SOX5: variants seen among roughly 807,000 people sequenced by gnomAD.
SOX5 encodes the protein transcription factor SOX-5.
Under a neutral mutation model 92.0 loss-of-function variants are expected in SOX5, and 9 were observed. The ratio of observed to expected loss-of-function variants is 0.10; its 90% CI spans 0.06 to 0.17. The LOEUF is 0.17. Among genes scored for constraint, SOX5 ranks in the 10% least tolerant of loss-of-function variants. The pLI is 1.00. For missense variants in SOX5, 642 were observed against 944.5 expected (o/e 0.68, Z 4.20); for synonymous variants, 344 against 336.3 (o/e 1.02, Z -0.25).
chr12:23,563,262 T>A lies in SOX5; in HGVS notation c.1484A>T (p.Glu495Val). The A allele has an allele frequency of 6.2e-7, 1 of 1,609,790 alleles. No individual in the cohort carries two copies. Among genetic ancestry groups the A allele is most frequent in the Non-Finnish European group, 8.5e-7 (1 of 1,178,192 alleles). Residue 495 changes from glutamate (E) to valine (V), a missense_variant, in exon 11 of 15, where the codon GAA (glutamate) becomes GTA (valine). Around this residue, in one of 8 missense-constraint regions of SOX5, gnomAD observed 324 missense variants for 461.6 expected, o/e 0.70. Coordinates refer to ENST00000451604, the MANE Select transcript of SOX5 (RefSeq NM_006940.6). Reference sequence around the variant, plus strand: ...TAAGTTATTTTATGAACTGACCTTTTCTGTTCGGCAGTTATTGAGACCCAG... The same window carrying A: ...TAAGTTATTTTATGAACTGACCTTTACTGTTCGGCAGTTATTGAGACCCAG... ...NSLGLNNCRTEKEKTTLESLT... is the reference protein window; with the variant it reads ...NSLGLNNCRTVKEKTTLESLT...
chr12:24,419,336 A>C (rs1187177333), intron 1 of SOX5, among the ~76,000 whole-genome samples: 1 of 152,124 alleles, frequency 6.6e-6, no homozygotes, highest in African/African-American at 2.4e-5. Flanking sequence ...ACAAGGCTTC[A>C]CCATGTTTTG....
Position 23,575,820 on chromosome 12 carries a change from G to C in SOX5, c.1183C>G (p.Leu395Val). 6.3e-7 allele frequency: 1 copy of C among 1,580,224 alleles called. No homozygotes were observed. Among genetic ancestry groups the C allele is most frequent in the Non-Finnish European group, 8.6e-7 (1 of 1,165,016 alleles). Residue 395 changes from leucine (L) to valine (V), a missense_variant, in exon 10 of 15, where the codon CTG becomes GTG. By Grantham distance (32) the Leu-to-Val change is conservative. Transcript: ENST00000451604. Reference protein sequence around the residue: ...PKSKDEVAQPLNLSAKPKTSD... With the variant: ...PKSKDEVAQPVNLSAKPKTSD... ...GTCTTGGGTTTAGCTGATAGGTTCA[G>C]TGGCTGTGCCACTTCATCCTGCAAT...
In SOX5 at chr12:24,003,769, G is replaced by GTTTTT. The variant is rs59230154; in HGVS notation, c.-1-107750_-1-107746dup. Among the ~76,000 whole-genome samples the GTTTTT allele has an allele frequency of 3.4e-4, 50 of 148,028 alleles. No individual in the cohort carries two copies. In the Middle Eastern group the frequency reaches 0.014, roughly 40 times the overall value. Reference sequence around the variant, plus strand: ...ATACTCCCTATAAAAATGCCAGCAGGTTTTTTTTTTGGAAAAAACTTACAA... The same window carrying GTTTTT: ...ATACTCCCTATAAAAATGCCAGCAGGTTTTTTTTTTTTTTTGGAAAAAACTTACAA... On this transcript the variant is annotated intron_variant, in intron 4 of 4. Transcript: ENST00000446891.
chr12:23,950,860 GAC>G (rs1388915859), upstream of SOX5: 10 of 1,535,066 alleles, frequency 6.5e-6, no homozygotes, highest in East Asian at 2.4e-4. Context: ...CAGAGAGAGA[GAC>G]ACTTACACAG....
intron 1 of SOX5, among the ~76,000 whole-genome samples, chr12:24,429,182 T>C (rs879856776): frequency 1.2e-4 from 18 of 152,014 alleles, no homozygotes; most frequent in Non-Finnish European, 7.4e-5. Context: ...CCGGGCATGG[T>C]GGCAGGCGCC....
chr12:24,008,599 T>G (rs567822547), intron 4 of SOX5, among the ~76,000 whole-genome samples: 21 of 152,196 alleles, frequency 1.4e-4, no homozygotes, highest in Non-Finnish European at 2.4e-4. Flanking sequence ...TATTATGACC[T>G]CTATTTTAAT....
intron 4 of SOX5, among the ~76,000 whole-genome samples, chr12:24,091,101 C>A (rs1220552433): frequency 1.3e-5 from 2 of 151,978 alleles, no homozygotes; most frequent in Non-Finnish European, 1.5e-5. Context: ...TTCGCCAATT[C>A]AAAAAAACAA....
intron 11 of SOX5, among the ~76,000 whole-genome samples, chr12:23,555,310 G>T (rs750206594): frequency 1.4e-4 from 21 of 151,966 alleles, no homozygotes; most frequent in Non-Finnish European, 2.5e-4. Context: ...TCATCAGAGA[G>T]GCCTGTGGGT....
intron 4 of SOX5, among the ~76,000 whole-genome samples, chr12:24,193,454 C>A (rs943819172): frequency 1.3e-5 from 2 of 152,212 alleles, no homozygotes; most frequent in African/African-American, 4.8e-5. Flanking sequence ...ATTTGCTATC[C>A]TTGGCTGCCT....
rs181934259 is a variant in SOX5 at position 24,129,742 on chromosome 12, A to G, written c.-2+83601T>C. Among the ~76,000 whole-genome samples, 3 of 152,320 alleles carry G rather than the reference A, an allele frequency of 2.0e-5. No homozygotes were observed. The East Asian group carries it at 5.8e-4, about 29-fold the overall frequency. On this transcript the variant is annotated intron_variant, in intron 4 of 4. Transcript: ENST00000446891. ...AATCAAACTAGTTTATCTCACTACA[A>G]CTGGGAGTCCTAACTTATATCAAGG... is the stretch of plus-strand genomic sequence containing the variant.
intron 1 of SOX5, among the ~76,000 whole-genome samples, chr12:23,934,957 C>G (rs959960754): frequency 3.3e-5 from 5 of 151,230 alleles, no homozygotes; most frequent in Non-Finnish European, 7.4e-5. Context: ...AGTTAGATGG[C>G]TTCTCCTTAC....
intron 2 of SOX5, among the ~76,000 whole-genome samples, chr12:24,303,410 G>A (rs1948216824): frequency 6.6e-6 from 1 of 152,154 alleles, no homozygotes. Context: ...AAAATGTCAA[G>A]TGAAACATAT....
chr12:23,966,230 A>C (rs1008706196), intron 4 of SOX5, among the ~76,000 whole-genome samples: 1 of 89,356 alleles, frequency 1.1e-5, no homozygotes. Context: ...AAAAAAAAAA[A>C]AAAAAAAAAA....
At chr12:24,560,734 T>C (rs1417703885) in intron 1 of SOX5, among the ~76,000 whole-genome samples, 1 of 152,226 alleles carries the variant, frequency 6.6e-6, no homozygotes, top group Non-Finnish European at 1.5e-5. Flanking sequence ...AAGTCAAACT[T>C]GAAAAACATT....
intron 8 of SOX5, among the ~76,000 whole-genome samples, chr12:23,618,740 T>A (rs186496628): frequency 1.5e-3 from 226 of 152,292 alleles, no homozygotes; most frequent in African/African-American, 5.2e-3. Context: ...AAACAACTGG[T>A]AGTATCAGAA....
rs569174152 is a variant in SOX5 at position 24,486,961 on chromosome 12, G to T, written c.-251+75368C>A. ...CCCTGATACTGGTAAACAACACACT[G>T]CTCATTTATTCCAGGCTGGTAGGGT... On this transcript the variant is annotated intron_variant, in intron 1 of 4. Coordinates refer to the SOX5 transcript ENST00000446891. Among the ~76,000 whole-genome samples the T allele has an allele frequency of 1.3e-3, 194 of 152,230 alleles. 2 individuals are homozygous for T. Among genetic ancestry groups the T allele is most frequent in the African/African-American group, 3.6e-3 (148 of 41,524 alleles).
chr12:23,860,136 G>A (rs1429502800), intron 2 of SOX5, among the ~76,000 whole-genome samples: 1 of 152,024 alleles, frequency 6.6e-6, no homozygotes, highest in Non-Finnish European at 1.5e-5. Context: ...CAGACACTGA[G>A]GTCTTCTTGG....
intron 13 of SOX5, among the ~76,000 whole-genome samples, chr12:23,542,435 ATCT>A (rs1336807702): frequency 6.6e-6 from 1 of 151,066 alleles, no homozygotes; most frequent in Non-Finnish European, 1.5e-5. Context: ...AAGCAATGGA[ATCT>A]TCTTTTTTTC....
chr12:24,238,069 A>G (rs1463140781), intron 3 of SOX5: 1 of 152,184 alleles, frequency 6.6e-6, no homozygotes, highest in Non-Finnish European at 1.5e-5. Flanking sequence ...AGCAAGTGCA[A>G]ATTATTTATT....
Sources: allele counts gnomAD v4.1 joint callset (sites outside exome capture counted in the v4.1 genomes callset), GRCh38; gene constraint gnomAD v4.1.1; regional missense constraint gnomAD v4.1.1; transcripts MANE v1.5; gene names NCBI Gene and HGNC (gene_info 2026-07-23, HGNC 2026-07-21).